Variants in EVL observed in about 807,000 individuals in gnomAD.
EVL encodes Enah/Vasp-like, also known as ena/VASP-like protein.
EVL carries 21 observed loss-of-function variants against 59.6 expected under a neutral mutation model. That is an observed-to-expected ratio of 0.35 (90% CI 0.25 to 0.51). EVL has a LOEUF of 0.51. Among genes scored for constraint, EVL ranks in the 20% least tolerant of loss-of-function variants. EVL has a pLI of 0.97. For missense variants in EVL, 462 were observed against 546.6 expected (o/e 0.85, Z 1.54); for synonymous variants, 198 against 203.5 (o/e 0.97, Z 0.23).
At chr14:100,022,283 T>C (rs933045025) in intron 1 of EVL, among the ~76,000 whole-genome samples, 2 of 150,750 alleles carry the variant, frequency 1.3e-5, no homozygotes, top group African/African-American at 4.9e-5. Context: ...GGTTTGTTTT[T>C]TTTTTTTTTT....
chr14:100,013,980 G>A (rs924688685), intron 1 of EVL, among the ~76,000 whole-genome samples: 2 of 152,126 alleles, frequency 1.3e-5, no homozygotes, highest in Non-Finnish European at 2.9e-5. Flanking sequence ...TTACAAATGG[G>A]ACAAATGGGG....
intron 1 of EVL, among the ~76,000 whole-genome samples, chr14:100,038,771 G>GGTGGGTGTGTGTGTGTGT (rs1555415166): frequency 5.2e-4 from 73 of 140,998 alleles, no homozygotes; most frequent in Non-Finnish European, 1.7e-4. Flanking sequence ...TGTGCCCTGG[G>GGTGGGTGTGTGTGTGTGT]GTGTGTGTGT....
chr14:100,040,379 A>T (rs1211616068), intron 1 of EVL, among the ~76,000 whole-genome samples: 1 of 152,070 alleles, frequency 6.6e-6, no homozygotes, highest in East Asian at 1.9e-4. Context: ...TCTAGTCTAC[A>T]TTCAAGCTAC....
At chr14:100,058,862 A>G (rs553725095) in intron 1 of EVL, among the ~76,000 whole-genome samples, 8 of 152,166 alleles carry the variant, frequency 5.3e-5, no homozygotes, top group African/African-American at 1.9e-4. Context: ...ATAGTACTCT[A>G]TTTTATCTAC....
rs543311439 is a variant in EVL at position 100,037,337 on chromosome 14, A to G, written c.6-47350A>G. ...CTACATGACATTGATTAAAGGAATC[A>G]CTTCCAGGAAAGCCTTTCTAACAGG... is the stretch of plus-strand genomic sequence containing the variant. On this transcript the variant is annotated intron_variant, in intron 1 of 13. Coordinates refer to the EVL transcript ENST00000402714. 2.6e-5 allele frequency among the ~76,000 whole-genome samples: 4 copies of G among 152,248 alleles called. No homozygotes were observed. The South Asian group carries it at 8.3e-4, about 32-fold the overall frequency.
rs1471988745 is a variant in EVL, at chr14:100,137,783, C to T, written c.1075C>T (p.Gln359Ter). ...AKSPEAKSPL[Q>*]SQPHSRMKPA... ...GAGCCCCGAAGCTAAGAGCCCCCTTCAGTCGCAGCCTCACTCTAGGTACCG... is the reference window on the plus strand; with the variant it reads ...GAGCCCCGAAGCTAAGAGCCCCCTTTAGTCGCAGCCTCACTCTAGGTACCG... The change falls in exon 11 of 14, where the codon CAG becomes TAG. Residue 359 changes from glutamine to a stop codon, truncating the protein, a stop_gained. Coordinates refer to ENST00000392920, the MANE Select transcript of EVL (RefSeq NM_016337.3). LOFTEE classifies it high-confidence loss of function. 4 of 1,614,038 alleles carry T rather than the reference C, an allele frequency of 2.5e-6. No homozygotes were observed. Among genetic ancestry groups the T allele is most frequent in the Non-Finnish European group, 3.4e-6 (4 of 1,180,050 alleles).
chr14:99,991,967 TG>T (rs1804940199), intron 1 of EVL, among the ~76,000 whole-genome samples: 1 of 122,232 alleles, frequency 8.2e-6, no homozygotes, highest in South Asian at 2.6e-4. Context: ...ACTCTGTGTG[TG>T]TGTGTGTGTG....
chr14:100,018,230 G>A (rs959106148), intron 1 of EVL, among the ~76,000 whole-genome samples: 11 of 152,194 alleles, frequency 7.2e-5, no homozygotes, highest in African/African-American at 1.9e-4. Flanking sequence ...TCAGCCCCTC[G>A]GAGAGGGAGC....
intron 1 of EVL, among the ~76,000 whole-genome samples, chr14:100,015,029 TTA>T (rs781515511): frequency 3.3e-5 from 5 of 152,250 alleles, no homozygotes; most frequent in Non-Finnish European, 7.3e-5. Flanking sequence ...AGTTCTTTTT[TTA>T]CTTGATTGGC....
chr14:100,045,250 T>A (rs1452583642), intron 1 of EVL, among the ~76,000 whole-genome samples: 2 of 152,226 alleles, frequency 1.3e-5, no homozygotes, highest in Non-Finnish European at 2.9e-5. Flanking sequence ...CCTGCCTTAA[T>A]CCTCTGTTCC....
intron 3 of EVL, chr14:100,106,871 AACC>A: frequency 2.5e-6 from 1 of 398,670 alleles, no homozygotes; most frequent in Admixed American, 4.4e-5. Context: ...ACTTGGCCCA[AACC>A]ACTTCCTGAT....
At chr14:100,044,060 C>T (rs1422590015) in intron 1 of EVL, among the ~76,000 whole-genome samples, 1 of 152,188 alleles carries the variant, frequency 6.6e-6, no homozygotes. Flanking sequence ...TCTGGAAACA[C>T]CCTCAGAGGC....
In EVL at chr14:100,065,614, A is replaced by G. The variant is rs975095373; in HGVS notation, c.11+103A>G. The G allele has an allele frequency of 1.3e-5, 8 of 601,112 alleles. No homozygotes were observed. In the African/African-American group the frequency reaches 1.3e-4, roughly 10 times the overall value. The allele number at this position is 601,112 out of a possible 1,614,324, so 37.2% of individuals were successfully genotyped here. A position where few individuals can be genotyped will look rare whatever the true frequency, so the allele number is the denominator to read the frequency against. ...AAATTATCTCAGGTCCCCTTAGTAT[A>G]CTGATCGAGAAGTCCATGACCAGAG... On this transcript the variant is annotated intron_variant, in intron 1 of 13. Coordinates refer to ENST00000392920, the MANE Select transcript of EVL (RefSeq NM_016337.3).
chr14:100,059,561 G>C (rs112996181), intron 1 of EVL, among the ~76,000 whole-genome samples: 2 of 152,322 alleles, frequency 1.3e-5, no homozygotes, highest in African/African-American at 4.8e-5. Context: ...ATCGCCTGCT[G>C]TAGGGCTGAG....
intron 9 of EVL, chr14:100,137,262 G>A (rs1888857996): frequency 4.7e-6 from 2 of 428,536 alleles, no homozygotes; most frequent in South Asian, 2.6e-5. Context: ...GGCTGTGCTG[G>A]GATGTCCGGG....
intron 1 of EVL, among the ~76,000 whole-genome samples, chr14:99,984,078 G>A (rs894524269): frequency 2.0e-5 from 3 of 152,160 alleles, no homozygotes; most frequent in Non-Finnish European, 4.4e-5. Context: ...ATAGTTGATC[G>A]TGGCATTCAT....
Position 100,128,734 on chromosome 14 carries a change from A to C in EVL, c.703A>C (p.Arg235=). 1 of 1,605,572 alleles carries C rather than the reference A, an allele frequency of 6.2e-7. No homozygotes were observed. Among genetic ancestry groups the C allele is most frequent in the South Asian group, 1.1e-5 (1 of 90,962 alleles). Residue 235 remains arginine, a synonymous_variant, in exon 6 of 14, where the codon AGA becomes CGA. Coordinates refer to ENST00000392920, the MANE Select transcript of EVL (RefSeq NM_016337.3). Reference sequence around the variant, plus strand: ...CGCTGCCATAGCTGGGGCCAAGCTGAGAAGAGTCCAACGGGTAAGAGCTCC... The same window carrying C: ...CGCTGCCATAGCTGGGGCCAAGCTGCGAAGAGTCCAACGGGTAAGAGCTCC... ...LAAAIAGAKL[R]RVQRPEDASG... is the part of the protein sequence containing the mutation.
upstream of EVL, among the ~76,000 whole-genome samples, chr14:100,060,871 A>G (rs1246845732): frequency 6.6e-6 from 1 of 152,030 alleles, no homozygotes; most frequent in African/African-American, 2.4e-5. Flanking sequence ...ACCAAAGGAA[A>G]AGGGATCCAT....
intron 3 of EVL, among the ~76,000 whole-genome samples, chr14:100,117,316 CA>C (rs1447546533): frequency 6.6e-6 from 1 of 152,198 alleles, no homozygotes; most frequent in East Asian, 1.9e-4. Flanking sequence ...GCAGCAAGGC[CA>C]TTGGGTGCTG....
Sources: gnomAD v4.1 joint callset for allele counts (sites outside exome capture counted in the v4.1 genomes callset) on GRCh38, gnomAD v4.1.1 for gene constraint, MANE v1.5 for transcripts, NCBI Gene and HGNC (gene_info 2026-07-23, HGNC 2026-07-21) for gene names.